Variants in VSIR observed in about 807,000 individuals in gnomAD.
VSIR encodes V-set immunoregulatory receptor, also known as V-type immunoglobulin domain-containing suppressor of T-cell activation.
VSIR carries 10 observed loss-of-function variants against 31.0 expected under a neutral mutation model. The observed-to-expected ratio is 0.32, with a 90% CI of 0.20 to 0.55. VSIR has a LOEUF of 0.55. Ranked by LOEUF, VSIR falls within the 20% of genes least tolerant of loss-of-function variation. The pLI is 0.93. For missense variants in VSIR, 356 were observed against 416.2 expected (o/e 0.86, Z 1.26); for synonymous variants, 179 against 180.1 (o/e 0.99, Z 0.05).
intron 1 of VSIR, among the ~76,000 whole-genome samples, chr10:71,763,585 G>T (rs1178304400): frequency 1.3e-5 from 2 of 152,202 alleles, no homozygotes; most frequent in African/African-American, 4.8e-5. Flanking sequence ...TCTGGAGCTG[G>T]CCAGCCTGTA....
chr10:71,766,726 G>T (rs1474554331), intron 1 of VSIR, among the ~76,000 whole-genome samples: 1 of 152,116 alleles, frequency 6.6e-6, no homozygotes, highest in Non-Finnish European at 1.5e-5. Context: ...TAAAGATGAG[G>T]AAACAGACTC....
chr10:71,754,353 G>T (rs767749394), intron 4 of VSIR, among the ~76,000 whole-genome samples: 2 of 152,200 alleles, frequency 1.3e-5, no homozygotes, highest in African/African-American at 4.8e-5. Context: ...TGAGGGGAGG[G>T]AGGGATGACA....
chr10:71,762,113 C>A, intron 1 of VSIR, 87 bp from the exon 2 acceptor site: 1 of 1,418,062 alleles, frequency 7.1e-7, no homozygotes, highest in South Asian at 1.4e-5. Flanking sequence ...TTAGCCTCTG[C>A]TACTTCCCAG....
intron 3 of VSIR, among the ~76,000 whole-genome samples, chr10:71,760,238 CATATATATGTATGTATATATATGTATAT>C (rs1564780282): frequency 0.023 from 490 of 20,898 alleles, 13 homozygotes; most frequent in Non-Finnish European, 0.031. Flanking sequence ...TATGTATATA[CATATATATGTATGTATATATATGTATAT>C]ACATATATAT....
At position 71,751,899 on chromosome 10, in the gene VSIR, C is replaced by T. The variant is rs1438571926; in HGVS notation, c.705-38G>A. The T allele has an allele frequency of 1.9e-5, 29 of 1,541,740 alleles. No individual in the cohort carries two copies. The highest frequency in any genetic ancestry group is 2.5e-5 in the Non-Finnish European group (29 of 1,140,552). Reference sequence around the variant, plus strand: ...CAGAATGGAAGGTCATCTGTGCTGTCCGGAGCGTGAACTCTGCCCTCCCTG... The same window carrying T: ...CAGAATGGAAGGTCATCTGTGCTGTTCGGAGCGTGAACTCTGCCCTCCCTG... On this transcript the variant is annotated intron_variant, in intron 5 of 6. Coordinates refer to ENST00000394957, the MANE Select transcript of VSIR (RefSeq NM_022153.2). The surrounding 1 kb of genome is among the most constrained non-coding windows in gnomAD (Gnocchi z 4.9).
Position 71,773,481 on chromosome 10 carries a change from C to T in VSIR, c.-42G>A. 6.5e-7 allele frequency: 1 copy of T among 1,549,340 alleles called. No individual in the cohort carries two copies. The highest frequency in any genetic ancestry group is 8.8e-7 in the Non-Finnish European group (1 of 1,142,614). On this transcript the variant is annotated 5_prime_UTR_variant, in exon 1 of 7. Coordinates refer to ENST00000394957, the MANE Select transcript of VSIR (RefSeq NM_022153.2). ...CAGAGGAACTTCTGGTGCCGGGGAGCGGGCGGGACGCGGCCGGCGCGGGGA... is the reference window on the plus strand; with the variant it reads ...CAGAGGAACTTCTGGTGCCGGGGAGTGGGCGGGACGCGGCCGGCGCGGGGA...
intron 1 of VSIR, among the ~76,000 whole-genome samples, chr10:71,763,396 C>T (rs557864558): frequency 6.6e-6 from 1 of 152,364 alleles, no homozygotes; most frequent in Non-Finnish European, 1.5e-5. Flanking sequence ...AGAATCCAAA[C>T]TGATACATCC....
rs1041769827 is a variant in VSIR, at chr10:71,748,885, G to C, written c.*2368C>G. The C allele has an allele frequency of 8.5e-5, 13 of 152,834 alleles. No homozygotes were observed. The highest frequency in any genetic ancestry group is 2.9e-4 in the African/African-American group (12 of 41,460). 9.5% of individuals were successfully genotyped at this position (152,834 alleles called of 1,614,324 possible). A position where few individuals can be genotyped will look rare whatever the true frequency, so the allele number is the denominator to read the frequency against. ...GTTGTAGGCAGGGCCTGTGGCCATG[G>C]ATGAAGATGGAACTGGGAGCTCAGA... On this transcript the variant is annotated 3_prime_UTR_variant, in exon 7 of 7. Transcript: ENST00000394957.
At chr10:71,767,870 A>G (rs1372345051) in intron 1 of VSIR, among the ~76,000 whole-genome samples, 1 of 152,202 alleles carries the variant, frequency 6.6e-6, no homozygotes, top group African/African-American at 2.4e-5. Context: ...GCACCTTGGG[A>G]AAGCCTCCGT....
At position 71,751,258 on chromosome 10, in the gene VSIR, T is replaced by C. The variant is rs150502804; in HGVS notation, c.931A>G (p.Ile311Val). The C allele has an allele frequency of 4.3e-6, 7 of 1,609,674 alleles. No homozygotes were observed. In the African/African-American group the frequency reaches 9.4e-5, roughly 22 times the overall value. ...PVPDSPNFEV[I>V] ...CCCACTGTCCCCCAGCTGGGCTAGA[T>C]GACCTCAAAGTTTGGAGAGTCAGGG... The change falls in exon 7 of 7, where the codon ATC becomes GTC. Residue 311 changes from isoleucine to valine, a missense_variant. Coordinates refer to ENST00000394957, the MANE Select transcript of VSIR (RefSeq NM_022153.2). The surrounding 1 kb of genome is among the most constrained non-coding windows in gnomAD (Gnocchi z 4.9).
chr10:71,758,104 C>G (rs1027836409), intron 3 of VSIR, among the ~76,000 whole-genome samples: 1 of 152,066 alleles, frequency 6.6e-6, no homozygotes, highest in Non-Finnish European at 1.5e-5. Context: ...GGAGCCAAGG[C>G]GGGTAGATCA....
intron 5 of VSIR, among the ~76,000 whole-genome samples, chr10:71,752,759 A>C (rs531403957): frequency 2.6e-5 from 4 of 152,148 alleles, no homozygotes; most frequent in Admixed American, 2.0e-4. Flanking sequence ...AGGTGGGTGC[A>C]TGACACATCT....
intron 3 of VSIR, among the ~76,000 whole-genome samples, chr10:71,758,646 G>C (rs1472437217): frequency 6.6e-6 from 1 of 152,212 alleles, no homozygotes; most frequent in African/African-American, 2.4e-5. Context: ...TGGGCTATGT[G>C]AGCTTGGGCA....
At chr10:71,763,366 G>C (rs963054160) in intron 1 of VSIR, among the ~76,000 whole-genome samples, 39 of 152,208 alleles carry the variant, frequency 2.6e-4, no homozygotes, top group African/African-American at 8.9e-4. Context: ...AGAGAGGGAA[G>C]GAGGGTTAGA....
intron 1 of VSIR, among the ~76,000 whole-genome samples, chr10:71,767,582 G>A (rs992254458): frequency 6.6e-6 from 1 of 152,194 alleles, no homozygotes; most frequent in Non-Finnish European, 1.5e-5. Context: ...TGGGGCTGTA[G>A]GAAAAGACTA....
At chr10:71,758,800 G>A (rs1589401880) in intron 3 of VSIR, among the ~76,000 whole-genome samples, 1 of 152,318 alleles carries the variant, frequency 6.6e-6, no homozygotes, top group East Asian at 1.9e-4. Flanking sequence ...GTCAAGGTGG[G>A]AAGATCAATT....
At chr10:71,753,199 C>T (rs367715107) in intron 4 of VSIR, among the ~76,000 whole-genome samples, 197 bp from the exon 5 acceptor site, 1 of 152,328 alleles carries the variant, frequency 6.6e-6, no homozygotes, top group African/African-American at 2.4e-5. Context: ...ATGGGGCCTC[C>T]ATGAGGGGCC....
At chr10:71,772,805 G>A (rs1840717422) in intron 1 of VSIR, among the ~76,000 whole-genome samples, 2 of 152,180 alleles carry the variant, frequency 1.3e-5, no homozygotes, top group South Asian at 4.1e-4. Flanking sequence ...ATAGGGACCA[G>A]GTGGGCAGTG....
At position 71,750,873 on chromosome 10, in the gene VSIR, T is replaced by G. The variant is rs1589395800; in HGVS notation, c.*380A>C. On this transcript the variant is annotated 3_prime_UTR_variant, in exon 7 of 7. Coordinates refer to ENST00000394957, the MANE Select transcript of VSIR (RefSeq NM_022153.2). Reference sequence around the variant, plus strand: ...GCCCTGTGTCTGGTGCCTGGGAGGGTGGCCCAGTGTCCATCTTGTCCCACT... The same window carrying G: ...GCCCTGTGTCTGGTGCCTGGGAGGGGGGCCCAGTGTCCATCTTGTCCCACT... The G allele has an allele frequency of 5.4e-6, 1 of 185,526 alleles. No homozygotes were observed. The highest frequency in any genetic ancestry group is 1.1e-5 in the Non-Finnish European group (1 of 90,010). 11.5% of individuals were successfully genotyped at this position (185,526 alleles called of 1,614,324 possible).
Sources: gnomAD v4.1 joint callset for allele counts (sites outside exome capture counted in the v4.1 genomes callset) on GRCh38, gnomAD v4.1.1 for gene constraint, Gnocchi (gnomAD v3.1) non-coding constraint, MANE v1.5 for transcripts, NCBI Gene and HGNC (gene_info 2026-07-23, HGNC 2026-07-21) for gene names.